Variants in IP6K3 observed in about 807,000 individuals in gnomAD.
IP6K3 encodes the protein inositol hexakisphosphate kinase 3, also known as ATP:1D-myo-inositol-hexakisphosphate phosphotransferase.
IP6K3 carries 20 observed loss-of-function variants against 28.8 expected under a neutral mutation model. That is an observed-to-expected ratio of 0.70 (90% CI 0.49 to 1.01). IP6K3 has a LOEUF of 1.01. IP6K3 is among the 50% of genes least tolerant of loss of function. The pLI is 0.00. For missense variants in IP6K3, 480 were observed against 537.1 expected (o/e 0.89, Z 1.05); for synonymous variants, 213 against 221.3 (o/e 0.96, Z 0.33).
In IP6K3 at chr6:33,735,284, A is replaced by C. The variant is rs1322067112; in HGVS notation, c.193T>G (p.Tyr65Asp). The change falls in exon 2 of 6, where the codon TAC becomes GAC. Residue 65 changes from tyrosine to aspartate, a missense_variant. By Grantham distance (160) the Tyr-to-Asp change is radical. Transcript: ENST00000293756. Reference protein sequence around the residue: ...PLAMKRFTPQYKGTVTVHLWK... With the variant: ...PLAMKRFTPQDKGTVTVHLWK... Reference sequence around the variant, plus strand: ...TGGCTGCCTAGACACTCACCTTTGTACTGTGGGGTGAACCGCTTCATGGCC... The same window carrying C: ...TGGCTGCCTAGACACTCACCTTTGTCCTGTGGGGTGAACCGCTTCATGGCC... The C allele has an allele frequency of 6.2e-6, 10 of 1,612,550 alleles. No homozygotes were observed. Among genetic ancestry groups the C allele is most frequent in the Non-Finnish European group, 8.5e-6 (10 of 1,179,704 alleles).
In IP6K3 at chr6:33,723,164, G is replaced by C. The variant is rs149420602; in HGVS notation, c.789C>G (p.Tyr263Ter). The C allele has an allele frequency of 1.1e-4, 178 of 1,591,842 alleles. No individual in the cohort carries two copies. The highest frequency in any genetic ancestry group is 5.0e-4 in the Middle Eastern group (3 of 5,942). ...CATAGTACTTGTCTTTGCAGAGAAA[G>C]TACTTCTTATCTGTTTGATAAACCT... Reference protein sequence around the residue: ...GMQVYQTDKKYFLCKDKYYGR... With the variant: ...GMQVYQTDKK The change falls in exon 6 of 6, where the codon TAC becomes TAG. Residue 263 changes from tyrosine to a stop codon, truncating the protein, a stop_gained. Transcript: ENST00000293756. LOFTEE classifies it low-confidence loss of function (END_TRUNC).
At chr6:33,737,494 C>T (rs1214783573) in intron 1 of IP6K3, among the ~76,000 whole-genome samples, 1 of 152,200 alleles carries the variant, frequency 6.6e-6, no homozygotes, top group Non-Finnish European at 1.5e-5. Context: ...ATCCAGGCCA[C>T]GAGCACAGCC....
At chr6:33,761,854 C>T in the IP6K3 span, among the ~76,000 whole-genome samples, 2 of 152,100 alleles carry the variant, frequency 1.3e-5, no homozygotes, top group Non-Finnish European at 2.9e-5. Context: ...TCTCCTCATC[C>T]TCAGTCTCCT....
chr6:33,753,589 T>C, the IP6K3 span, among the ~76,000 whole-genome samples: 4 of 152,134 alleles, frequency 2.6e-5, no homozygotes, highest in Non-Finnish European at 4.4e-5. Flanking sequence ...TCAAGGTGGC[T>C]GGGGTGGGAG....
chr6:33,761,337 C>G, the IP6K3 span, among the ~76,000 whole-genome samples: 1 of 152,120 alleles, frequency 6.6e-6, no homozygotes, highest in Non-Finnish European at 1.5e-5. Flanking sequence ...GCCTGCCCTG[C>G]TCTGATACAG....
chr6:33,753,831 C>G, the IP6K3 span, among the ~76,000 whole-genome samples: 332 of 151,896 alleles, frequency 2.2e-3, 2 homozygotes, highest in Middle Eastern at 0.014. Context: ...TTTTTTGAGA[C>G]AGAGTCTCGC....
the IP6K3 span, among the ~76,000 whole-genome samples, chr6:33,759,037 TGGG>T: frequency 6.6e-6 from 1 of 152,122 alleles, no homozygotes; most frequent in Admixed American, 6.6e-5. Flanking sequence ...AGAGGCAGGA[TGGG>T]GGAGGAGGAG....
intron 4 of IP6K3, among the ~76,000 whole-genome samples, chr6:33,726,276 C>T (rs751542434): frequency 6.6e-5 from 10 of 152,214 alleles, no homozygotes; most frequent in Non-Finnish European, 1.5e-4. Context: ...ACACTTCCCT[C>T]TCACTGTGTG....
At position 33,735,458 on chromosome 6, in the gene IP6K3, C is replaced by G; in HGVS notation, c.19G>C (p.Ala7Pro). ...CCTGCCCTCATGTCCCCGGCGTCTG[C>G]GCTGTTTTGCACAACCATGGCGGCA... Reference protein sequence around the residue: MVVQNSADAGDMRAGVQ... With the variant: MVVQNSPDAGDMRAGVQ... Residue 7 changes from alanine (A) to proline (P), a missense_variant, in exon 2 of 6, where the codon GCA becomes CCA. Physicochemically the swap from Ala to Pro is conservative, Grantham distance 27 (BLOSUM62 -1). Coordinates refer to ENST00000293756, the MANE Select transcript of IP6K3 (RefSeq NM_054111.5). 6.2e-7 allele frequency: 1 copy of G among 1,610,072 alleles called. No homozygotes were observed. Among genetic ancestry groups the G allele is most frequent in the Non-Finnish European group, 8.5e-7 (1 of 1,179,798 alleles).
At chr6:33,759,370 G>A in the IP6K3 span, among the ~76,000 whole-genome samples, 3 of 152,146 alleles carry the variant, frequency 2.0e-5, no homozygotes, top group East Asian at 3.9e-4. Flanking sequence ...TCTGCCTCCC[G>A]CGGAGAGACT....
At position 33,734,945 on chromosome 6, in the gene IP6K3, G is replaced by T. The variant is rs371751077; in HGVS notation, c.199+333C>A. Among the ~76,000 whole-genome samples, 14 of 152,344 alleles carry T rather than the reference G, an allele frequency of 9.2e-5. No individual in the cohort carries two copies. The East Asian group carries it at 1.5e-3, about 17-fold the overall frequency. On this transcript the variant is annotated intron_variant, in intron 2 of 5. Transcript: ENST00000293756. ...TTTGCCCTGTGTTTACAGCCAGCAT[G>T]AGATGGCTGGCTATGGCACCGGGAA...
chr6:33,740,307 AG>A (rs1766671788), intron 1 of IP6K3, among the ~76,000 whole-genome samples: 2 of 152,338 alleles, frequency 1.3e-5, no homozygotes, highest in South Asian at 4.1e-4. Flanking sequence ...AGATGGCCCC[AG>A]GTCTCTGTGT....
At chr6:33,751,859 C>T (rs752236523), upstream of IP6K3, among the ~76,000 whole-genome samples, 24 of 152,176 alleles carry the variant, frequency 1.6e-4, no homozygotes, top group Non-Finnish European at 2.6e-4. This position sits in a 1 kb window ranked among gnomAD's most constrained non-coding sequence, Gnocchi z 4.3. Context: ...CCAAGCCCGG[C>T]GCCATGTTTG....
chr6:33,760,796 G>T, the IP6K3 span, among the ~76,000 whole-genome samples: 2 of 152,108 alleles, frequency 1.3e-5, no homozygotes. Context: ...AAAGTGCTGG[G>T]ATTACAGGAG....
At chr6:33,758,915 A>G in the IP6K3 span, among the ~76,000 whole-genome samples, 1 of 152,310 alleles carries the variant, frequency 6.6e-6, no homozygotes, top group East Asian at 1.9e-4. Flanking sequence ...GTTTTACATT[A>G]AAGGAAATAT....
At chr6:33,736,628 A>G (rs1172229822) in intron 1 of IP6K3, among the ~76,000 whole-genome samples, 1 of 151,810 alleles carries the variant, frequency 6.6e-6, no homozygotes, top group Non-Finnish European at 1.5e-5. Flanking sequence ...CTGGTCTCGA[A>G]CTCCTGACCT....
At chr6:33,735,960 T>A (rs904382604) in intron 1 of IP6K3, among the ~76,000 whole-genome samples, 2 of 151,834 alleles carry the variant, frequency 1.3e-5, no homozygotes, top group South Asian at 2.1e-4. Context: ...CTTGACCTCC[T>A]GGGCTCAAAT....
At chr6:33,745,728 G>A (rs1196287504) in intron 1 of IP6K3, among the ~76,000 whole-genome samples, 3 of 152,164 alleles carry the variant, frequency 2.0e-5, no homozygotes, top group Non-Finnish European at 4.4e-5. Context: ...GACGCTCATG[G>A]GTAGTTGTTC....
At chr6:33,740,749 G>T (rs567589394) in intron 1 of IP6K3, among the ~76,000 whole-genome samples, 1 of 152,180 alleles carries the variant, frequency 6.6e-6, no homozygotes, top group South Asian at 2.1e-4. Flanking sequence ...TCTTATAACC[G>T]CTTTCCACAT....
Sources: allele counts gnomAD v4.1 joint callset (sites outside exome capture counted in the v4.1 genomes callset), GRCh38; gene constraint gnomAD v4.1.1; non-coding constraint Gnocchi (gnomAD v3.1); transcripts MANE v1.5; gene names NCBI Gene and HGNC (gene_info 2026-07-23, HGNC 2026-07-21).